The following FOXK2 variants were observed in gnomAD, a reference collection of about 807,000 sequenced individuals.
FOXK2 encodes forkhead box K2, also known as forkhead box protein K2.
A neutral mutation model predicts 53.3 loss-of-function variants in FOXK2; 24 were observed. The ratio of observed to expected loss-of-function variants is 0.45; its 90% CI spans 0.33 to 0.63. The LOEUF is 0.63. FOXK2 is among the 30% of genes least tolerant of loss of function. FOXK2 has a pLI of 0.03. For missense variants in FOXK2, 952 were observed against 910.5 expected (o/e 1.05, Z -0.59); for synonymous variants, 505 against 407.1 (o/e 1.24, Z -2.89).
chr17:82,522,114 C>T (rs1381628931), intron 1 of FOXK2, among the ~76,000 whole-genome samples: 2 of 123,302 alleles, frequency 1.6e-5, no homozygotes, highest in Non-Finnish European at 3.2e-5. Context: ...CTGTGAGGAT[C>T]TTGAGTTTTT....
chr17:82,561,029 ATG>A (rs1314699771), intron 1 of FOXK2, among the ~76,000 whole-genome samples: 2 of 152,168 alleles, frequency 1.3e-5, no homozygotes, highest in Non-Finnish European at 2.9e-5. Flanking sequence ...AGGATTACAG[ATG>A]TGAGTCACTG....
intron 7 of FOXK2, among the ~76,000 whole-genome samples, 198 bp from the exon 8 acceptor site, chr17:82,586,865 G>C (rs557105359): frequency 6.6e-6 from 1 of 152,126 alleles, no homozygotes; most frequent in East Asian, 1.9e-4. Context: ...TGCGCCATTG[G>C]ACTCCAGCTT....
Position 82,601,466 on chromosome 17 carries a change from G to T in FOXK2, c.1950G>T (p.Pro650=), listed in dbSNP as rs756479949. 1 of 1,611,280 alleles carries T rather than the reference G, an allele frequency of 6.2e-7. No homozygotes were observed. ...IVIALSVDTP[P]AAVREKGVQN is the part of the protein sequence containing the mutation. ...TTGCCCTGAGCGTGGACACGCCACC[G>T]GCAGCCGTAAGGGAAAAGGGTGTCC... is the stretch of plus-strand genomic sequence containing the variant. The change falls in exon 9 of 9, where the codon CCG becomes CCT. Residue 650 remains proline, a synonymous_variant. Coordinates refer to ENST00000335255, the MANE Select transcript of FOXK2 (RefSeq NM_004514.4).
At chr17:82,596,562 G>A (rs2045315752) in intron 8 of FOXK2, among the ~76,000 whole-genome samples, 1 of 14,526 alleles carries the variant, frequency 6.9e-5, no homozygotes, top group Non-Finnish European at 3.8e-4. Flanking sequence ...CAGTCTGTGT[G>A]GCAGGGCTCC....
chr17:82,596,978 G>A (rs748285816), intron 8 of FOXK2, among the ~76,000 whole-genome samples: 32 of 152,210 alleles, frequency 2.1e-4, no homozygotes, highest in African/African-American at 6.8e-4. Flanking sequence ...GAGCTCTCAC[G>A]GAACACAGAG....
rs375596948 is a variant in FOXK2, at chr17:82,570,030, G to A, written c.763-1694G>A. Among the ~76,000 whole-genome samples the A allele has an allele frequency of 9.3e-5, 14 of 151,188 alleles. No homozygotes were observed. In the South Asian group the frequency reaches 2.7e-3, roughly 29 times the overall value. ...GAGGTCAGGAGATCGAGACCATCCT[G>A]GCTAACACGGTGAAATCCCGTCTGT... On this transcript the variant is annotated intron_variant, in intron 3 of 8. Coordinates refer to ENST00000335255, the MANE Select transcript of FOXK2 (RefSeq NM_004514.4).
intron 7 of FOXK2, 76 bp from the exon 8 acceptor site, chr17:82,586,987 T>G (rs1250931870): frequency 9.7e-6 from 13 of 1,347,140 alleles, no homozygotes; most frequent in Non-Finnish European, 1.4e-5. Flanking sequence ...GCTATCTGGT[T>G]ATTATGTTTT....
At chr17:82,584,215 G>GC (rs1363048226) in intron 6 of FOXK2, 27 bp downstream of exon 6, 10 of 1,558,132 alleles carry the variant, frequency 6.4e-6, no homozygotes, top group African/African-American at 1.4e-5. Flanking sequence ...GGAAGCGAGG[G>GC]CCCCAACAGC....
intron 4 of FOXK2, chr17:82,578,615 CAT>C (rs1043441415): frequency 1.3e-5 from 2 of 152,214 alleles, no homozygotes; most frequent in Non-Finnish European, 2.9e-5. Context: ...ATTAATTCCT[CAT>C]ATTTTCTGGA....
chr17:82,560,830 A>T (rs2044785618), intron 1 of FOXK2, among the ~76,000 whole-genome samples: 1 of 152,138 alleles, frequency 6.6e-6, no homozygotes, highest in South Asian at 2.1e-4. Context: ...GCATGGTGGC[A>T]TGCGCCTCTA....
chr17:82,566,614 C>T (rs1168137302), intron 2 of FOXK2, among the ~76,000 whole-genome samples: 2 of 152,196 alleles, frequency 1.3e-5, no homozygotes, highest in Non-Finnish European at 1.5e-5. Flanking sequence ...AAGCAGCAGC[C>T]TTGAAGACCC....
At chr17:82,592,462 G>A (rs1281423251) in intron 8 of FOXK2, among the ~76,000 whole-genome samples, 3 of 152,210 alleles carry the variant, frequency 2.0e-5, no homozygotes, top group Non-Finnish European at 4.4e-5. Context: ...TCACAGTGGA[G>A]GAACCTCATG....
Position 82,601,342 on chromosome 17 carries a change from C to T in FOXK2, c.1826C>T (p.Ser609Phe). ...TTGCACATGTTGGCAACACACGCAT[C>T]CGCATCGGCCTCCCTGCCCACAAAG... ...SPLHMLATHA[S>F]ASASLPTKRH... The change falls in exon 9 of 9, where the codon TCC becomes TTC. Residue 609 changes from serine to phenylalanine, a missense_variant. Physicochemically the swap from Ser to Phe is radical, Grantham distance 155. This residue lies in a region of FOXK2 where 551 missense variants were observed against 385.1 expected (regional missense o/e 1.43). Coordinates refer to ENST00000335255, the MANE Select transcript of FOXK2 (RefSeq NM_004514.4). 1.2e-6 allele frequency: 2 copies of T among 1,613,276 alleles called. No individual in the cohort carries two copies. The highest frequency in any genetic ancestry group is 1.7e-6 in the Non-Finnish European group (2 of 1,180,028).
intron 1 of FOXK2, among the ~76,000 whole-genome samples, chr17:82,524,915 T>G (rs1476514383): frequency 2.0e-5 from 3 of 151,670 alleles, no homozygotes; most frequent in Non-Finnish European, 1.5e-5. Context: ...TCTGCCTGGG[T>G]CTGGTGGGGA....
chr17:82,568,315 A>G, intron 3 of FOXK2, 114 bp downstream of exon 3: 2 of 1,263,576 alleles, frequency 1.6e-6, no homozygotes, highest in Non-Finnish European at 1.1e-6. Context: ...CTGCCAGGGC[A>G]TCGGTGGGGA....
chr17:82,567,883 T>G (rs2144122671), intron 2 of FOXK2, among the ~76,000 whole-genome samples, 171 bp from the exon 3 acceptor site: 1 of 152,200 alleles, frequency 6.6e-6, no homozygotes, highest in Middle Eastern at 3.4e-3. Context: ...ACAGATCATT[T>G]ATAAGAATCT....
intron 4 of FOXK2, among the ~76,000 whole-genome samples, chr17:82,573,525 T>TAC (rs10545272): frequency 1.5e-3 from 208 of 135,654 alleles, no homozygotes; most frequent in African/African-American, 4.9e-3. Context: ...ACTATATACA[T>TAC]ACACACACAC....
intron 8 of FOXK2, among the ~76,000 whole-genome samples, chr17:82,597,011 C>T (rs542273284): frequency 2.0e-5 from 3 of 152,178 alleles, no homozygotes; most frequent in East Asian, 1.9e-4. Flanking sequence ...CGAGTTCAGC[C>T]GGTGAGGGGC....
intron 1 of FOXK2, among the ~76,000 whole-genome samples, chr17:82,522,041 C>CTTT (rs924582731): frequency 0.053 from 5,698 of 107,148 alleles, 244 homozygotes; most frequent in African/African-American, 0.068. Flanking sequence ...TTTAATCTGA[C>CTTT]TTTTTTTTTT....
Sources: allele counts gnomAD v4.1 joint callset (sites outside exome capture counted in the v4.1 genomes callset), GRCh38; gene constraint gnomAD v4.1.1; regional missense constraint gnomAD v4.1.1; transcripts MANE v1.5; gene names NCBI Gene and HGNC (gene_info 2026-07-23, HGNC 2026-07-21).